Variants in IFNA21 observed in about 807,000 individuals in gnomAD.
IFNA21 encodes the protein interferon alpha-21.
For missense variants in IFNA21, 272 were observed against 212.7 expected, an observed-to-expected ratio of 1.28 and a Z score of -1.73; for synonymous variants, 101 against 82.9, an observed-to-expected ratio of 1.22 and a Z score of -1.19.
chr9:21,166,289 A>T lies in IFNA21; in HGVS notation c.324T>A (p.Phe108Leu). The T allele has an allele frequency of 6.2e-7, 1 of 1,614,128 alleles. No homozygotes were observed. The highest frequency in any genetic ancestry group is 8.5e-7 in the Non-Finnish European group (1 of 1,180,014). ...ATWEQSLLEK[F>L]STELNQQLND... ...TCAGCTGCTGGTTAAGTTCAGTGGA[A>T]AATTTTTCTAGGAGGCTCTGTTCCC... The change falls in exon 1 of 1, where the codon TTT becomes TTA. Residue 108 changes from phenylalanine (F) to leucine (L), a missense_variant. Coordinates refer to ENST00000380225, the MANE Select transcript of IFNA21 (RefSeq NM_002175.2).
Position 21,166,297 on chromosome 9 carries a change from C to G in IFNA21, c.316G>C (p.Glu106Gln), listed in dbSNP as rs1563797347. The change falls in exon 1 of 1, where the codon GAA becomes CAA. Residue 106 changes from glutamate (E) to glutamine (Q), a missense_variant. Coordinates refer to ENST00000380225, the MANE Select transcript of IFNA21 (RefSeq NM_002175.2). ...TGGTTAAGTTCAGTGGAAAATTTTT[C>G]TAGGAGGCTCTGTTCCCAAGTAGCA... ...SSATWEQSLLEKFSTELNQQL... is the reference protein window; with the variant it reads ...SSATWEQSLLQKFSTELNQQL... The G allele has an allele frequency of 6.2e-7, 1 of 1,614,104 alleles. No homozygotes were observed. The highest frequency in any genetic ancestry group is 8.5e-7 in the Non-Finnish European group (1 of 1,179,982).
chr9:21,165,958 A>G lies in IFNA21; in HGVS notation c.*85T>C, dbSNP rs922344835. ...TCAACTCATGCGGTGGTTATAGGAG[A>G]AATGAGTCTTTGAAATGGCAGAAGT... On this transcript the variant is annotated 3_prime_UTR_variant, in exon 1 of 1. Coordinates refer to ENST00000380225, the MANE Select transcript of IFNA21 (RefSeq NM_002175.2). 4.7e-6 allele frequency: 7 copies of G among 1,490,676 alleles called. No homozygotes were observed. Among genetic ancestry groups the G allele is most frequent in the Admixed American group, 4.4e-5 (2 of 45,620 alleles). The allele number at this position is 1,490,676 out of a possible 1,614,324, so 92.3% of individuals were successfully genotyped here.
the IFNA21 span, chr9:21,166,247 G>T: frequency 2.5e-6 from 4 of 1,614,094 alleles, no homozygotes; most frequent in African/African-American, 1.3e-5. Flanking sequence ...CCTGTATCAC[G>T]CAGGCTTCCA....
chr9:21,166,181 C>A lies in IFNA21; in HGVS notation c.432G>T (p.Lys144Asn), dbSNP rs1202470737. 1.9e-6 allele frequency: 3 copies of A among 1,614,040 alleles called. No individual in the cohort carries two copies. The highest frequency in any genetic ancestry group is 4.5e-5 in the East Asian group (2 of 44,900). ...AAAGAGTGATTCTTTGGAAGTATTT[C>A]TTCACAGCCAGGATGGAGTCCACAT... ...LMNVDSILAV[K>N]KYFQRITLYL... is the part of the protein sequence containing the mutation. The change falls in exon 1 of 1, where the codon AAG becomes AAT. Residue 144 changes from lysine to asparagine, a missense_variant. Coordinates refer to ENST00000380225, the MANE Select transcript of IFNA21 (RefSeq NM_002175.2).
Position 21,166,284 on chromosome 9 carries a change from G to C in IFNA21, c.329C>G (p.Thr110Ser). The change falls in exon 1 of 1, where the codon ACT becomes AGT. Residue 110 changes from threonine (T) to serine (S), a missense_variant. Transcript: ENST00000380225. ...GTCATTCAGCTGCTGGTTAAGTTCA[G>C]TGGAAAATTTTTCTAGGAGGCTCTG... ...WEQSLLEKFS[T>S]ELNQQLNDLE... The C allele has an allele frequency of 3.7e-6, 6 of 1,614,158 alleles. No homozygotes were observed. Among genetic ancestry groups the C allele is most frequent in the Non-Finnish European group, 5.1e-6 (6 of 1,180,012 alleles).
In IFNA21 at chr9:21,166,357, G is replaced by T; in HGVS notation, c.256C>A (p.Gln86Lys). ...AISVLHEMIQQTFNLFSTKDS... is the reference protein window; with the variant it reads ...AISVLHEMIQKTFNLFSTKDS... ...TTTGTGCTGAAGAGATTGAAGGTCT[G>T]CTGGATCATCTCATGGAGGACAGAG... Residue 86 changes from glutamine to lysine, a missense_variant, in exon 1 of 1, where the codon CAG becomes AAG. Physicochemically the swap from Gln to Lys is moderately conservative, Grantham distance 53 (BLOSUM62 1). Transcript: ENST00000380225. 1 of 1,614,138 alleles carries T rather than the reference G, an allele frequency of 6.2e-7. No homozygotes were observed. Among genetic ancestry groups the T allele is most frequent in the Non-Finnish European group, 8.5e-7 (1 of 1,180,010 alleles).
At position 21,165,916 on chromosome 9, in the gene IFNA21, G is replaced by T. The variant is rs927582178; in HGVS notation, c.*127C>A. ...TGATGTTTCCTTACACTCCTGAAAA[G>T]ATCTGAAAATTTTGATTCAACTCAT... On this transcript the variant is annotated 3_prime_UTR_variant, in exon 1 of 1. Coordinates refer to ENST00000380225, the MANE Select transcript of IFNA21 (RefSeq NM_002175.2). The T allele has an allele frequency of 1.0e-4, 124 of 1,235,700 alleles. No homozygotes were observed. Among genetic ancestry groups the T allele is most frequent in the Middle Eastern group, 6.0e-4 (3 of 5,020 alleles). The allele number at this position is 1,235,700 out of a possible 1,614,324, so 76.5% of individuals were successfully genotyped here.
chr9:21,166,004 T>C lies in IFNA21; in HGVS notation c.*39A>G. The stretch of plus-strand genomic sequence containing the variant: ...GAAGTCATAGAAGTGTGGACTGGTG[T>C]ATTAGTCAATACAGATCATTTCCAT... On this transcript the variant is annotated 3_prime_UTR_variant, in exon 1 of 1. Coordinates refer to ENST00000380225, the MANE Select transcript of IFNA21 (RefSeq NM_002175.2). 1.3e-6 allele frequency: 2 copies of C among 1,593,688 alleles called. No individual in the cohort carries two copies. Among genetic ancestry groups the C allele is most frequent in the Non-Finnish European group, 1.7e-6 (2 of 1,169,130 alleles).
In IFNA21 at chr9:21,165,803, TAATA is replaced by T. The variant is rs141478079; in HGVS notation, c.*236_*239del. Reference sequence around the variant, plus strand: ...TACATGGACAAAAATAATTTAAATCTAATAAATAAATAAATATTTCAATAGATAG... The same window carrying T: ...TACATGGACAAAAATAATTTAAATCTAATAAATAAATATTTCAATAGATAG... On this transcript the variant is annotated 3_prime_UTR_variant, in exon 1 of 1. Transcript: ENST00000380225. 55,955 of 290,068 alleles carry T rather than the reference TAATA, an allele frequency of 0.19. 6,304 individuals carry two copies. The highest frequency in any genetic ancestry group is 0.46 in the East Asian group (7,518 of 16,468). 18.0% of individuals were successfully genotyped at this position (290,068 alleles called of 1,614,324 possible).
At position 21,165,667 on chromosome 9, in the gene IFNA21, C is replaced by G. The variant is rs538314022; in HGVS notation, c.*376G>C. 6.6e-6 allele frequency: 1 copy of G among 150,684 alleles called. No homozygotes were observed. The highest frequency in any genetic ancestry group is 6.6e-5 in the Admixed American group (1 of 15,104). The allele number at this position is 150,684 out of a possible 1,614,324, so 9.3% of individuals were successfully genotyped here. ...TGGTATTTCTTTATTAAAGAATAAA[C>G]AAATAATATAAGAAGTTTTAATAGT... On this transcript the variant is annotated 3_prime_UTR_variant, in exon 1 of 1. Transcript: ENST00000380225.
chr9:21,166,091 G>A lies in IFNA21; in HGVS notation c.522C>T (p.Ser174=), dbSNP rs780542458. The change falls in exon 1 of 1, where the codon TCC becomes TCT. Residue 174 remains serine (S), a synonymous_variant. Transcript: ENST00000380225. The part of the protein sequence containing the change: ...WEVVRAEIMR[S]FSLSKIFQER... ...CTTGAAAAATTTTTGATAAAGAGAA[G>A]GATCTCATGATTTCTGCTCTGACAA... is the stretch of plus-strand genomic sequence containing the variant. The A allele has an allele frequency of 5.0e-6, 8 of 1,614,050 alleles. No homozygotes were observed. The East Asian group carries it at 1.1e-4, about 22-fold the overall frequency.
rs771042479 is a variant in IFNA21, at chr9:21,166,605, A to G, written c.8T>C (p.Leu3Pro). The G allele has an allele frequency of 6.2e-7, 1 of 1,611,690 alleles. No individual in the cohort carries two copies. The highest frequency in any genetic ancestry group is 1.3e-5 in the African/African-American group (1 of 74,804). The stretch of plus-strand genomic sequence containing the variant: ...CACGGCCATCAGTAAAGAAAAGGAC[A>G]GGGCCATTGGGATGTTGCCAATATT... The part of the protein sequence containing the change: MA[L>P]SFSLLMAVLV... The change falls in exon 1 of 1, where the codon CTG becomes CCG. Residue 3 changes from leucine (L) to proline (P), a missense_variant. Transcript: ENST00000380225.
Position 21,166,120 on chromosome 9 carries a change from C to T in IFNA21, c.493G>A (p.Glu165Lys), listed in dbSNP as rs200041157. The T allele has an allele frequency of 1.1e-4, 176 of 1,614,038 alleles. No homozygotes were observed. The highest frequency in any genetic ancestry group is 1.4e-4 in the Non-Finnish European group (165 of 1,180,014). The stretch of plus-strand genomic sequence containing the variant: ...CTCATGATTTCTGCTCTGACAACCT[C>T]CCAGGCACAAGGGCTGTATTTCTTC... Reference protein sequence around the residue: ...TEKKYSPCAWEVVRAEIMRSF... With the variant: ...TEKKYSPCAWKVVRAEIMRSF... The change falls in exon 1 of 1, where the codon GAG becomes AAG. Residue 165 changes from glutamate (E) to lysine (K), a missense_variant. Transcript: ENST00000380225.
chr9:21,166,159 G>C lies in IFNA21; in HGVS notation c.454C>G (p.Leu152Val), dbSNP rs144636841. 2 of 1,614,078 alleles carry C rather than the reference G, an allele frequency of 1.2e-6. No homozygotes were observed. The highest frequency in any genetic ancestry group is 1.7e-5 in the Admixed American group (1 of 60,002). ...CTGTATTTCTTCTCTGTCAGATAAA[G>C]AGTGATTCTTTGGAAGTATTTCTTC... ...AVKKYFQRIT[L>V]YLTEKKYSPC... Residue 152 changes from leucine to valine, a missense_variant, in exon 1 of 1, where the codon CTT (leucine) becomes GTT (valine). Physicochemically the swap from Leu to Val is conservative, Grantham distance 32 (BLOSUM62 1). Transcript: ENST00000380225.
Position 21,166,429 on chromosome 9 carries a change from G to T in IFNA21, c.184C>A (p.Pro62Thr). Residue 62 changes from proline (P) to threonine (T), a missense_variant, in exon 1 of 1, where the codon CCC (proline) becomes ACC (threonine). Physicochemically the swap from Pro to Thr is conservative, Grantham distance 38. Transcript: ENST00000380225. ...CLKDRHDFGF[P>T]QEEFDGNQFQ... ...TGGTTGCCATCAAACTCCTCCTGGG[G>T]GAATCCAAAGTCATGTCTGTCCTTC... 1 of 1,614,098 alleles carries T rather than the reference G, an allele frequency of 6.2e-7. No homozygotes were observed. Among genetic ancestry groups the T allele is most frequent in the African/African-American group, 1.3e-5 (1 of 75,016 alleles).
rs1463456994 is a variant in IFNA21 at position 21,165,902 on chromosome 9, T to C, written c.*141A>G. On this transcript the variant is annotated 3_prime_UTR_variant, in exon 1 of 1. Transcript: ENST00000380225. ...TGCACAGGTAAACATGATGTTTCCTTACACTCCTGAAAAGATCTGAAAATT... is the reference window on the plus strand; with the variant it reads ...TGCACAGGTAAACATGATGTTTCCTCACACTCCTGAAAAGATCTGAAAATT... The C allele has an allele frequency of 9.6e-5, 105 of 1,091,564 alleles. 3 individuals are homozygous for C. The South Asian group carries it at 1.6e-3, about 17-fold the overall frequency. The allele number at this position is 1,091,564 out of a possible 1,614,324, so 67.6% of individuals were successfully genotyped here. A position where few individuals can be genotyped will look rare whatever the true frequency, so the allele number is the denominator to read the frequency against.
chr9:21,166,107 G>T lies in IFNA21; in HGVS notation c.506C>A (p.Ala169Glu), dbSNP rs755081012. The change falls in exon 1 of 1, where the codon GCA becomes GAA. Residue 169 changes from alanine (A) to glutamate (E), a missense_variant. Physicochemically the swap from Ala to Glu is moderately radical, Grantham distance 107. Transcript: ENST00000380225. The part of the protein sequence containing the change: ...YSPCAWEVVR[A>E]EIMRSFSLSK... ...TAAAGAGAAGGATCTCATGATTTCT[G>T]CTCTGACAACCTCCCAGGCACAAGG... is the stretch of plus-strand genomic sequence containing the variant. 2 of 1,613,936 alleles carry T rather than the reference G, an allele frequency of 1.2e-6. No individual in the cohort carries two copies. Among genetic ancestry groups the T allele is most frequent in the East Asian group, 2.2e-5 (1 of 44,892 alleles).
At position 21,165,829 on chromosome 9, in the gene IFNA21, A is replaced by G; in HGVS notation, c.*214T>C. ...AATAAATAAATAAATATTTCAATAG[A>G]TAGATAATTAGATCTATCAGCATGG... is the stretch of plus-strand genomic sequence containing the variant. On this transcript the variant is annotated 3_prime_UTR_variant, in exon 1 of 1. Transcript: ENST00000380225. 1 of 395,322 alleles carries G rather than the reference A, an allele frequency of 2.5e-6. No individual in the cohort carries two copies. Among genetic ancestry groups the G allele is most frequent in the East Asian group, 4.0e-5 (1 of 24,790 alleles). The allele number at this position is 395,322 out of a possible 1,614,324, so 24.5% of individuals were successfully genotyped here.
Position 21,166,537 on chromosome 9 carries a change from G to C in IFNA21, c.76C>G (p.Leu26Val). Residue 26 changes from leucine to valine, a missense_variant, in exon 1 of 1, where the codon CTG becomes GTG. By Grantham distance (32) the Leu-to-Val change is conservative. Coordinates refer to ENST00000380225, the MANE Select transcript of IFNA21 (RefSeq NM_002175.2). ...TTACCCAGGCTGTGGGTCTGAGGCA[G>C]ATCACAGCCCAGAGAACAGATGGAT... Reference protein sequence around the residue: ...YKSICSLGCDLPQTHSLGNRR... With the variant: ...YKSICSLGCDVPQTHSLGNRR... 6.2e-7 allele frequency: 1 copy of C among 1,614,142 alleles called. No homozygotes were observed. Among genetic ancestry groups the C allele is most frequent in the Non-Finnish European group, 8.5e-7 (1 of 1,180,020 alleles).
Sources: allele counts gnomAD v4.1 joint callset, GRCh38; gene constraint gnomAD v4.1.1; transcripts MANE v1.5; gene names NCBI Gene and HGNC (gene_info 2026-07-23, HGNC 2026-07-21).